Variants in GIP observed in about 807,000 individuals in gnomAD.
GIP encodes the protein glucose-dependent insulinotropic polypeptide.
In GIP, 16 loss-of-function variants were observed where a neutral mutation model predicts 18.1. The observed-to-expected ratio is 0.88, with a 90% CI of 0.60 to 1.34. The LOEUF (loss-of-function observed/expected upper bound fraction) is 1.34, where lower values mean the gene tolerates loss of function less well. Ranked by LOEUF, GIP falls within the 40% of genes most tolerant of loss-of-function variation. GIP has a pLI of 0.00. For synonymous variants in GIP, 76 were observed against 74.0 expected, an observed-to-expected ratio of 1.03 and a Z score of -0.14; for missense variants, 192 against 183.4, an observed-to-expected ratio of 1.05 and a Z score of -0.27.
intron 5 of GIP, 26 bp downstream of exon 5, chr17:48,960,860 C>T (rs757239181): frequency 5.7e-6 from 8 of 1,392,778 alleles, no homozygotes; most frequent in East Asian, 2.4e-5. Flanking sequence ...AAGTTAGAAC[C>T]GCTGTGCAAC....
chr17:48,966,736 G>A (rs1474359887), intron 2 of GIP, among the ~76,000 whole-genome samples: 1 of 152,002 alleles, frequency 6.6e-6, no homozygotes, highest in Admixed American at 6.6e-5. Context: ...AGCCTGGCAG[G>A]CAGAGGCTGC....
At chr17:48,963,042 G>A (rs1345432156) in intron 3 of GIP, among the ~76,000 whole-genome samples, 2 of 151,794 alleles carry the variant, frequency 1.3e-5, no homozygotes, top group African/African-American at 4.8e-5. Flanking sequence ...GGGAGGCGGA[G>A]CTTGCAGTGA....
At chr17:48,962,106 A>G (rs1197562837) in intron 3 of GIP, among the ~76,000 whole-genome samples, 1 of 152,140 alleles carries the variant, frequency 6.6e-6, no homozygotes, top group Non-Finnish European at 1.5e-5. Context: ...GTCTGGCTGT[A>G]TTGCCCAGGC....
rs753433471 is a variant in GIP, at chr17:48,964,513, T to TG, written c.87-34dup. 8.8e-6 allele frequency: 14 copies of TG among 1,588,232 alleles called. No individual in the cohort carries two copies. The South Asian group carries it at 1.6e-4, about 18-fold the overall frequency. ...CAAGGGTGCGGAGAAGGGGCAGAGATGGGGGGAGAATCACAATGCTAGGGT... is the reference window on the plus strand; with the variant it reads ...CAAGGGTGCGGAGAAGGGGCAGAGATGGGGGGGAGAATCACAATGCTAGGGT... On this transcript the variant is annotated intron_variant, in intron 2 of 5. Coordinates refer to ENST00000357424, the MANE Select transcript of GIP (RefSeq NM_004123.3).
chr17:48,967,343 C>T (rs2041240498), intron 1 of GIP, 90 bp from the exon 2 acceptor site: 6 of 769,096 alleles, frequency 7.8e-6, no homozygotes, highest in African/African-American at 1.9e-5. Flanking sequence ...GGTTTGGACC[C>T]TTTCTTTTCC....
chr17:48,962,118 G>A (rs1246710186), intron 3 of GIP, among the ~76,000 whole-genome samples: 1 of 152,186 alleles, frequency 6.6e-6, no homozygotes, highest in Non-Finnish European at 1.5e-5. Flanking sequence ...TGCCCAGGCT[G>A]GAGTGCAGGG....
rs33956589 is a variant in GIP, at chr17:48,965,138, C to CAAAAAAAAAAAAAAAAAAA, written c.87-659_87-658insTTTTTTTTTTTTTTTTTTT. On this transcript the variant is annotated intron_variant, in intron 2 of 5. Transcript: ENST00000357424. The stretch of plus-strand genomic sequence containing the variant: ...TGGGAGACAGAGCGAGACTCCGTCT[C>CAAAAAAAAAAAAAAAAAAA]AAAAAAAAAAAAATTAGCCAGGCGT... 2.3e-3 allele frequency among the ~76,000 whole-genome samples: 250 copies of CAAAAAAAAAAAAAAAAAAA among 109,518 alleles called. 49 individuals carry two copies. The highest frequency in any genetic ancestry group is 9.4e-3 in the African/African-American group (199 of 21,060). The allele number at this position is 109,518 out of a possible 152,430, so 71.8% of individuals were successfully genotyped here. A position where few individuals can be genotyped will look rare whatever the true frequency, so the allele number is the denominator to read the frequency against.
chr17:48,958,660 T>C lies in GIP; in HGVS notation c.*47A>G. The C allele has an allele frequency of 6.6e-7, 1 of 1,516,378 alleles. No homozygotes were observed. Among genetic ancestry groups the C allele is most frequent in the Admixed American group, 1.9e-5 (1 of 53,030 alleles). 93.9% of individuals were successfully genotyped at this position (1,516,378 alleles called of 1,614,324 possible). ...TATTCTGGAGTGGGGCTGAGGCAGGTGCTAAGTGAAGGGCAGAATCCAGTC... is the reference window on the plus strand; with the variant it reads ...TATTCTGGAGTGGGGCTGAGGCAGGCGCTAAGTGAAGGGCAGAATCCAGTC... On this transcript the variant is annotated 3_prime_UTR_variant, in exon 6 of 6. Coordinates refer to ENST00000357424, the MANE Select transcript of GIP (RefSeq NM_004123.3).
At chr17:48,968,474 G>A (rs1045823250) in intron 1 of GIP, 43 bp downstream of exon 1, 1 of 152,146 alleles carries the variant, frequency 6.6e-6, no homozygotes, top group East Asian at 1.9e-4. Context: ...AGATCCATCT[G>A]CTCTCGGGTC....
chr17:48,961,861 TC>T, intron 3 of GIP, 42 bp from the exon 4 acceptor site: 1 of 1,382,842 alleles, frequency 7.2e-7, no homozygotes. Flanking sequence ...CTGCGGAGAC[TC>T]CAGTCTAGGG....
intron 5 of GIP, among the ~76,000 whole-genome samples, chr17:48,959,096 C>T (rs1449883902): frequency 6.6e-6 from 1 of 151,994 alleles, no homozygotes; most frequent in Non-Finnish European, 1.5e-5. Context: ...CCTCATGATC[C>T]ACCCTCCTCG....
At chr17:48,959,149 C>T (rs1022721305) in intron 5 of GIP, among the ~76,000 whole-genome samples, 4 of 151,940 alleles carry the variant, frequency 2.6e-5, no homozygotes, top group South Asian at 4.2e-4. Context: ...CCACCATACC[C>T]GGCCTCATTT....
Position 48,968,559 on chromosome 17 carries a change from G to A in GIP, c.-64C>T, listed in dbSNP as rs1180130341. The stretch of plus-strand genomic sequence containing the variant: ...TCTTCCAGAAGAAGGACAGATAGGG[G>A]TCTCCTTCCCCTGATTTCTGGACCT... On this transcript the variant is annotated 5_prime_UTR_variant, in exon 1 of 6. Coordinates refer to ENST00000357424, the MANE Select transcript of GIP (RefSeq NM_004123.3). 1 of 152,146 alleles carries A rather than the reference G, an allele frequency of 6.6e-6. No individual in the cohort carries two copies. Among genetic ancestry groups the A allele is most frequent in the Non-Finnish European group, 1.5e-5 (1 of 68,074 alleles). The allele number at this position is 152,146 out of a possible 1,614,324, so 9.4% of individuals were successfully genotyped here. A position where few individuals can be genotyped will look rare whatever the true frequency, so the allele number is the denominator to read the frequency against.
In GIP at chr17:48,963,877, G is replaced by A. The variant is rs554478231; in HGVS notation, c.257+433C>T. Among the ~76,000 whole-genome samples, 404 of 143,708 alleles carry A rather than the reference G, an allele frequency of 2.8e-3. 1 individual carries two copies. The highest frequency in any genetic ancestry group is 4.3e-3 in the Middle Eastern group (1 of 234). 94.3% of individuals were successfully genotyped at this position (143,708 alleles called of 152,430 possible). A position where few individuals can be genotyped will look rare whatever the true frequency, so the allele number is the denominator to read the frequency against. On this transcript the variant is annotated intron_variant, in intron 3 of 5. Coordinates refer to ENST00000357424, the MANE Select transcript of GIP (RefSeq NM_004123.3). ...AAAAAAAAAAAAGAGAGAGAGAGGCGGGGTATGGTGGCTCACGCCTGTAAT... is the reference window on the plus strand; with the variant it reads ...AAAAAAAAAAAAGAGAGAGAGAGGCAGGGTATGGTGGCTCACGCCTGTAAT...
intron 2 of GIP, 96 bp downstream of exon 2, chr17:48,967,051 T>G: frequency 1.1e-6 from 1 of 906,992 alleles, no homozygotes; most frequent in South Asian, 1.4e-5. Flanking sequence ...TTAGCCTGGA[T>G]TCCTTCCCTT....
chr17:48,967,959 T>C (rs9910001), intron 1 of GIP, among the ~76,000 whole-genome samples: 81,691 of 150,996 alleles, frequency 0.54, 23,672 homozygotes, highest in African/African-American at 0.76. Context: ...GGCTGAGGCA[T>C]GAGAATCGCT....
At chr17:48,965,123 A>G (rs1323451985) in intron 2 of GIP, among the ~76,000 whole-genome samples, 3 of 121,472 alleles carry the variant, frequency 2.5e-5, no homozygotes, top group South Asian at 2.9e-4. Flanking sequence ...TGGGAGACAG[A>G]GCGAGACTCC....
At chr17:48,964,911 G>A (rs976285148) in intron 2 of GIP, among the ~76,000 whole-genome samples, 34 of 151,580 alleles carry the variant, frequency 2.2e-4, no homozygotes, top group Non-Finnish European at 3.7e-4. Flanking sequence ...AGGCTGAGGC[G>A]GGCGGATTAC....
At chr17:48,964,851 A>G (rs932159647) in intron 2 of GIP, among the ~76,000 whole-genome samples, 1 of 152,144 alleles carries the variant, frequency 6.6e-6, no homozygotes, top group Non-Finnish European at 1.5e-5. Context: ...AAAATTAGCC[A>G]GGCGTTGGCA....
Sources: gnomAD v4.1 joint callset for allele counts (sites outside exome capture counted in the v4.1 genomes callset) on GRCh38, gnomAD v4.1.1 for gene constraint, MANE v1.5 for transcripts, NCBI Gene and HGNC (gene_info 2026-07-23, HGNC 2026-07-21) for gene names.